Variants in PCDHGB6 observed in about 807,000 individuals in gnomAD.
PCDHGB6 encodes the protein protocadherin gamma subfamily B, 6.
Under a neutral mutation model 59.1 loss-of-function variants are expected in PCDHGB6, and 51 were observed. The observed-to-expected ratio is 0.86, with a 90% CI of 0.69 to 1.09. The LOEUF (loss-of-function observed/expected upper bound fraction) is 1.09, where lower values mean the gene tolerates loss of function less well. Ranked by LOEUF, PCDHGB6 falls within the 50% of genes least tolerant of loss-of-function variation. The pLI is 0.00. For synonymous variants in PCDHGB6, 466 were observed against 495.1 expected, an observed-to-expected ratio of 0.94 and a Z score of 0.78; for missense variants, 1,148 against 1,205.1, an observed-to-expected ratio of 0.95 and a Z score of 0.70.
intron 3 of PCDHGB6, 69 bp from the exon 4 acceptor site, chr5:141,510,878 G>A (rs896348248): frequency 6.2e-7 from 1 of 1,610,438 alleles, no homozygotes; most frequent in African/African-American, 1.3e-5. Context: ...TTAACTGCTG[G>A]GGATATAAGA....
chr5:141,432,992 G>A lies in PCDHGB6; in HGVS notation c.2418+22372G>A, dbSNP rs777975384. On this transcript the variant is annotated intron_variant, in intron 1 of 3. Coordinates refer to ENST00000520790, the MANE Select transcript of PCDHGB6 (RefSeq NM_018926.3). The surrounding 1 kb of genome is among the most constrained non-coding windows in gnomAD (Gnocchi z 6.0). The stretch of plus-strand genomic sequence containing the variant: ...GGCGTCGCACTTTGTGGGCGTGGAC[G>A]GGGTGCAGGCTTTCCTGCAGACCTA... 1.9e-6 allele frequency: 3 copies of A among 1,614,174 alleles called. No homozygotes were observed. In the Admixed American group the frequency reaches 5.0e-5, roughly 27 times the overall value.
In PCDHGB6 at chr5:141,432,212, G is replaced by T. The variant is rs2097468822; in HGVS notation, c.2418+21592G>T. 8 of 1,614,184 alleles carry T rather than the reference G, an allele frequency of 5.0e-6. No homozygotes were observed. In the East Asian group the frequency reaches 1.3e-4, roughly 27 times the overall value. ...CCACGACCCCGACTGTGAAGAGAAC[G>T]CCCAGATCACTTATTCCCTGGCTGA... On this transcript the variant is annotated intron_variant, in intron 1 of 3. Transcript: ENST00000520790. The surrounding 1 kb of genome is among the most constrained non-coding windows in gnomAD (Gnocchi z 6.0).
chr5:141,427,469 C>T lies in PCDHGB6; in HGVS notation c.2418+16849C>T, dbSNP rs116302471. The T allele has an allele frequency of 9.8e-3, 5,010 of 510,088 alleles. 35 individuals are homozygous for T. Among genetic ancestry groups the T allele is most frequent in the Non-Finnish European group, 0.012 (3,225 of 262,464 alleles). 31.6% of individuals were successfully genotyped at this position (510,088 alleles called of 1,614,324 possible). A position where few individuals can be genotyped will look rare whatever the true frequency, so the allele number is the denominator to read the frequency against. On this transcript the variant is annotated intron_variant, in intron 1 of 3. Coordinates refer to ENST00000520790, the MANE Select transcript of PCDHGB6 (RefSeq NM_018926.3). Reference sequence around the variant, plus strand: ...GAGTTCCTTTTAGAATCGAATCTTCCGCCAATAATGACTATAAGCTTGTAA... The same window carrying T: ...GAGTTCCTTTTAGAATCGAATCTTCTGCCAATAATGACTATAAGCTTGTAA...
intron 2 of PCDHGB6, among the ~76,000 whole-genome samples, chr5:141,502,989 G>A (rs140974023): frequency 0.024 from 3,652 of 150,590 alleles, 56 homozygotes; most frequent in East Asian, 0.043. Context: ...GATTACAGGC[G>A]TGTGCCACCA....
chr5:141,417,923 C>T, intron 1 of PCDHGB6: 1 of 1,608,652 alleles, frequency 6.2e-7, no homozygotes, highest in Non-Finnish European at 8.5e-7. Context: ...TCCTTTGCTG[C>T]TGCCTTTGTT....
rs1194909537 is a variant in PCDHGB6 at position 141,511,022 on chromosome 5, T to C, written c.2642T>C (p.Phe881Ser). 1 of 1,614,176 alleles carries C rather than the reference T, an allele frequency of 6.2e-7. No individual in the cohort carries two copies. The highest frequency in any genetic ancestry group is 8.5e-7 in the Non-Finnish European group (1 of 1,180,020). ...MGLSARYGPQ[F>S]TLQHVPDYRQ... ...TTGAGCGCCCGCTACGGACCCCAGT[T>C]CACCCTGCAGCACGTGCCCGACTAC... The change falls in exon 4 of 4, where the codon TTC becomes TCC. Residue 881 changes from phenylalanine (F) to serine (S), a missense_variant. Transcript: ENST00000520790.
intron 1 of PCDHGB6, chr5:141,428,501 C>A (rs970043746): frequency 8.4e-5 from 24 of 285,544 alleles, no homozygotes; most frequent in African/African-American, 3.9e-4. Context: ...TATGTTCCCT[C>A]GGATTCTAGA....
At chr5:141,478,519 G>T (rs778194073) in intron 1 of PCDHGB6, 19 of 1,610,728 alleles carry the variant, frequency 1.2e-5, no homozygotes, top group Non-Finnish European at 1.6e-5. Flanking sequence ...GGCAGGTGTT[G>T]GGTGCAGAGA....
chr5:141,442,898 TCTC>T (rs1427810429), intron 1 of PCDHGB6, among the ~76,000 whole-genome samples: 14 of 152,222 alleles, frequency 9.2e-5, no homozygotes, highest in Admixed American at 9.2e-4. Context: ...GCTTATCACT[TCTC>T]CTTCAGCACA....
At chr5:141,427,570 C>G (rs1487817661) in intron 1 of PCDHGB6, 8 of 662,270 alleles carry the variant, frequency 1.2e-5, no homozygotes, top group Non-Finnish European at 2.2e-5. Flanking sequence ...GGCAAGCCTC[C>G]GCTCTCATCC....
intron 1 of PCDHGB6, among the ~76,000 whole-genome samples, chr5:141,443,720 T>G (rs1349609652): frequency 2.6e-5 from 4 of 152,156 alleles, no homozygotes; most frequent in Non-Finnish European, 5.9e-5. Flanking sequence ...CATATAAAAT[T>G]CCTCATACAT....
In PCDHGB6 at chr5:141,511,774, T is replaced by C. The variant is rs1173144009; in HGVS notation, c.*601T>C. 6.2e-6 allele frequency: 1 copy of C among 160,350 alleles called. No homozygotes were observed. The highest frequency in any genetic ancestry group is 1.4e-5 in the Non-Finnish European group (1 of 72,132). The allele number at this position is 160,350 out of a possible 1,614,324, so 9.9% of individuals were successfully genotyped here. A position where few individuals can be genotyped will look rare whatever the true frequency, so the allele number is the denominator to read the frequency against. On this transcript the variant is annotated 3_prime_UTR_variant, in exon 4 of 4. Coordinates refer to ENST00000520790, the MANE Select transcript of PCDHGB6 (RefSeq NM_018926.3). ...ATGATCACCATCCCCATGGTACTGA[T>C]GCTTGCTGGATTTAGGGAGGGCATT...
At position 141,491,735 on chromosome 5, in the gene PCDHGB6, G is replaced by C. The variant is rs765837152; in HGVS notation, c.2419-3072G>C. ...TCGGCGCCGCCCCGGGCGACCCCTG[G>C]GGGCGGCACTGGAGAAGCCGCCCGT... On this transcript the variant is annotated intron_variant, in intron 1 of 3. Coordinates refer to ENST00000520790, the MANE Select transcript of PCDHGB6 (RefSeq NM_018926.3). The surrounding 1 kb of genome is among the most constrained non-coding windows in gnomAD (Gnocchi z 6.9). 2.5e-6 allele frequency: 4 copies of C among 1,601,968 alleles called. No homozygotes were observed. In the South Asian group the frequency reaches 4.4e-5, roughly 18 times the overall value.
Position 141,495,011 on chromosome 5 carries a change from G to A in PCDHGB6, c.2477+146G>A, listed in dbSNP as rs2099758277. On this transcript the variant is annotated intron_variant, in intron 2 of 3. Coordinates refer to ENST00000520790, the MANE Select transcript of PCDHGB6 (RefSeq NM_018926.3). ...CCAGGGAGGTCTTGGTGTGCGGGGG[G>A]CTGGCACACAGACCCCGGAAGGAAG... is the stretch of plus-strand genomic sequence containing the variant. 4.6e-6 allele frequency: 7 copies of A among 1,512,044 alleles called. No individual in the cohort carries two copies. In the East Asian group the frequency reaches 1.5e-4, roughly 32 times the overall value. 93.7% of individuals were successfully genotyped at this position (1,512,044 alleles called of 1,614,324 possible).
At chr5:141,435,941 A>G (rs1354198135) in intron 1 of PCDHGB6, among the ~76,000 whole-genome samples, 1 of 152,170 alleles carries the variant, frequency 6.6e-6, no homozygotes, top group Non-Finnish European at 1.5e-5. Flanking sequence ...TGCTTCTGAG[A>G]CCAAAAAAGG....
chr5:141,431,356 C>T lies in PCDHGB6; in HGVS notation c.2418+20736C>T. ...ACCCCGAATTGGTGCTGAAACGCGC[C>T]CTGGACCGCGAAGAAAAGGCTGCTC... On this transcript the variant is annotated intron_variant, in intron 1 of 3. Transcript: ENST00000520790. This position sits in a 1 kb window ranked among gnomAD's most constrained non-coding sequence, Gnocchi z 4.8. 6.2e-7 allele frequency: 1 copy of T among 1,614,004 alleles called. No individual in the cohort carries two copies. The highest frequency in any genetic ancestry group is 8.5e-7 in the Non-Finnish European group (1 of 1,180,026).
intron 1 of PCDHGB6, chr5:141,418,083 T>C: frequency 6.2e-7 from 1 of 1,614,068 alleles, no homozygotes; most frequent in Non-Finnish European, 8.5e-7. Context: ...AAGCTGCACT[T>C]CAGCGTAGAC....
intron 1 of PCDHGB6, among the ~76,000 whole-genome samples, chr5:141,437,491 T>C (rs1428543921): frequency 6.6e-6 from 1 of 152,184 alleles, no homozygotes; most frequent in Non-Finnish European, 1.5e-5. Flanking sequence ...ATCTCGTAGA[T>C]CACTTTTCAA....
chr5:141,478,137 G>A (rs762316494), intron 1 of PCDHGB6: 13 of 1,613,872 alleles, frequency 8.1e-6, no homozygotes, highest in African/African-American at 8.0e-5. Context: ...CCTGAAGCCC[G>A]AGCCGAGTTC....
Sources: allele counts gnomAD v4.1 joint callset (sites outside exome capture counted in the v4.1 genomes callset), GRCh38; gene constraint gnomAD v4.1.1; non-coding constraint Gnocchi (gnomAD v3.1); transcripts MANE v1.5; gene names NCBI Gene and HGNC (gene_info 2026-07-23, HGNC 2026-07-21).